The following DCC variants were observed in gnomAD, a reference collection of about 807,000 sequenced individuals.
The protein encoded by DCC is DCC netrin 1 receptor, also known as netrin receptor DCC.
Under a neutral mutation model 172.5 loss-of-function variants are expected in DCC, and 58 were observed. The observed-to-expected ratio is 0.34, with a 90% CI of 0.27 to 0.42. DCC has a LOEUF of 0.42. Ranked by LOEUF, DCC falls within the 10% of genes least tolerant of loss-of-function variation. The pLI, the probability that DCC is intolerant of heterozygous loss-of-function variation, is 1.00. For missense variants in DCC, 1,740 were observed against 1,791.0 expected, an observed-to-expected ratio of 0.97 and a Z score of 0.51; for synonymous variants, 709 against 644.5, an observed-to-expected ratio of 1.10 and a Z score of -1.52.
chr18:53,359,791 T>C (rs2057924235), intron 15 of DCC, among the ~76,000 whole-genome samples: 1 of 152,152 alleles, frequency 6.6e-6, no homozygotes, highest in South Asian at 2.1e-4. Flanking sequence ...CCCCTTCTAG[T>C]TTTATAATGA....
rs547886803 is a variant in DCC, at chr18:53,426,565, A to G, written c.3164-8579A>G. ...CTTGCAAAAAGAATTCTCACCTCACATGCCACCTCCTCTGAGAAACCTTTT... is the reference window on the plus strand; with the variant it reads ...CTTGCAAAAAGAATTCTCACCTCACGTGCCACCTCCTCTGAGAAACCTTTT... On this transcript the variant is annotated intron_variant, in intron 21 of 28. Coordinates refer to ENST00000442544, the MANE Select transcript of DCC (RefSeq NM_005215.4). Among the ~76,000 whole-genome samples the G allele has an allele frequency of 7.3e-5, 11 of 151,008 alleles. No individual in the cohort carries two copies. In the East Asian group the frequency reaches 1.9e-3, roughly 27 times the overall value.
chr18:53,430,856 A>AT (rs989530147), intron 21 of DCC, among the ~76,000 whole-genome samples: 34 of 152,202 alleles, frequency 2.2e-4, no homozygotes, highest in African/African-American at 8.2e-4. Flanking sequence ...ACTTCTGCCA[A>AT]TTTTTTCTTC....
At chr18:52,552,768 T>C (rs924521808) in intron 1 of DCC, among the ~76,000 whole-genome samples, 1 of 152,106 alleles carries the variant, frequency 6.6e-6, no homozygotes, top group Non-Finnish European at 1.5e-5. Flanking sequence ...AATTATCTAA[T>C]TGACTTGATA....
chr18:53,219,789 C>G (rs2055903292), intron 12 of DCC, among the ~76,000 whole-genome samples: 1 of 152,120 alleles, frequency 6.6e-6, no homozygotes, highest in South Asian at 2.1e-4. Context: ...CTGAGTTCAG[C>G]AATCATATGA....
chr18:53,031,634 T>A (rs187703811), intron 5 of DCC, among the ~76,000 whole-genome samples: 1 of 152,152 alleles, frequency 6.6e-6, no homozygotes, highest in East Asian at 1.9e-4. Flanking sequence ...ACTAAAAAAA[T>A]TTTCAAGGAA....
At chr18:53,475,326 G>A (rs1470605769) in intron 25 of DCC, among the ~76,000 whole-genome samples, 1 of 152,208 alleles carries the variant, frequency 6.6e-6, no homozygotes, top group Non-Finnish European at 1.5e-5. Flanking sequence ...TATAATAGGG[G>A]AAATGTTTCC....
intron 1 of DCC, among the ~76,000 whole-genome samples, chr18:52,672,505 T>G (rs960646087): frequency 3.9e-5 from 6 of 152,014 alleles, no homozygotes; most frequent in Non-Finnish European, 8.8e-5. Flanking sequence ...CCCGTTTCTT[T>G]CCTTACTTCC....
chr18:53,398,686 T>G (rs540394462), intron 18 of DCC, among the ~76,000 whole-genome samples: 16 of 152,240 alleles, frequency 1.1e-4, no homozygotes, highest in Middle Eastern at 3.4e-3. Flanking sequence ...CTCATAAACA[T>G]AAAATGCACA....
chr18:53,200,580 C>A (rs912679268), intron 9 of DCC, among the ~76,000 whole-genome samples: 1 of 152,258 alleles, frequency 6.6e-6, no homozygotes, highest in African/African-American at 2.4e-5. Context: ...ACTGAGCAGC[C>A]CTGGCTAGGC....
intron 7 of DCC, among the ~76,000 whole-genome samples, chr18:53,100,521 A>T (rs1054042040): frequency 1.4e-4 from 21 of 151,918 alleles, no homozygotes; most frequent in African/African-American, 4.8e-4. Flanking sequence ...CGAGGACAAT[A>T]GGTACAAGGG....
chr18:52,418,049 A>G (rs1987106530), intron 1 of DCC, among the ~76,000 whole-genome samples: 1 of 152,202 alleles, frequency 6.6e-6, no homozygotes, highest in African/African-American at 2.4e-5. Flanking sequence ...AAAGAAAACA[A>G]TGGTCAAATT....
At position 52,784,161 on chromosome 18, in the gene DCC, G is replaced by A. The variant is rs147148137; in HGVS notation, c.412+31787G>A. Among the ~76,000 whole-genome samples, 961 of 152,086 alleles carry A rather than the reference G, an allele frequency of 6.3e-3. 2 individuals carry two copies. The highest frequency in any genetic ancestry group is 9.6e-3 in the Non-Finnish European group (649 of 67,950). On this transcript the variant is annotated intron_variant, in intron 2 of 28. Transcript: ENST00000442544. ...AGATCAACTTTTTTTGCTCCCACAT[G>A]TAATTGAGATCATGCAATATCTGTT...
At chr18:53,410,777 T>G in intron 20 of DCC, 131 bp downstream of exon 20, 1 of 692,028 alleles carries the variant, frequency 1.4e-6, no homozygotes, top group Non-Finnish European at 2.6e-6. Flanking sequence ...TCAAAATAAA[T>G]TAAAATGTAG....
At chr18:52,441,967 A>G (rs111278210) in intron 1 of DCC, among the ~76,000 whole-genome samples, 5 of 152,326 alleles carry the variant, frequency 3.3e-5, no homozygotes, top group Non-Finnish European at 5.9e-5. Flanking sequence ...TGTGCACCAT[A>G]AACCATAGTC....
intron 1 of DCC, among the ~76,000 whole-genome samples, chr18:52,659,678 T>C (rs780952711): frequency 3.3e-4 from 50 of 152,232 alleles, no homozygotes; most frequent in Non-Finnish European, 5.6e-4. Flanking sequence ...CTTATGCTTT[T>C]ACTACAACTC....
intron 25 of DCC, among the ~76,000 whole-genome samples, chr18:53,468,690 C>T (rs762814867): frequency 2.4e-4 from 36 of 152,094 alleles, no homozygotes; most frequent in Non-Finnish European, 4.4e-4. Context: ...TCCTCCATAG[C>T]TTTTTAAATA....
intron 1 of DCC, among the ~76,000 whole-genome samples, chr18:52,663,017 T>C (rs983285377): frequency 6.6e-6 from 1 of 152,070 alleles, no homozygotes; most frequent in Non-Finnish European, 1.5e-5. Context: ...AAACAAACAT[T>C]CAGACCATAC....
At chr18:52,569,620 C>A (rs2033246371) in intron 1 of DCC, among the ~76,000 whole-genome samples, 1 of 152,044 alleles carries the variant, frequency 6.6e-6, no homozygotes. Flanking sequence ...ATGGAACTTC[C>A]TCTAGGGCTT....
chr18:52,782,669 C>T (rs1224358323), intron 2 of DCC, among the ~76,000 whole-genome samples: 2 of 152,026 alleles, frequency 1.3e-5, no homozygotes, highest in Non-Finnish European at 2.9e-5. Context: ...CACTTGAGGA[C>T]CTTTCATGCT....
Sources: allele counts gnomAD v4.1 joint callset (sites outside exome capture counted in the v4.1 genomes callset), GRCh38; gene constraint gnomAD v4.1.1; transcripts MANE v1.5; gene names NCBI Gene and HGNC (gene_info 2026-07-23, HGNC 2026-07-21).